ARL15: variants seen among roughly 807,000 people sequenced by gnomAD.
ARL15 encodes ARF like GTPase 15.
ARL15 carries 19 observed loss-of-function variants against 25.2 expected under a neutral mutation model. The ratio of observed to expected loss-of-function variants is 0.75; its 90% CI spans 0.53 to 1.10. The LOEUF is 1.10. Among genes scored for constraint, ARL15 ranks in the 50% least tolerant of loss-of-function variants. The pLI is 0.00. For synonymous variants in ARL15, 94 were observed against 86.8 expected, an observed-to-expected ratio of 1.08 and a Z score of -0.46; for missense variants, 220 against 246.0, an observed-to-expected ratio of 0.89 and a Z score of 0.71.
chr5:54,187,552 T>C (rs1755275977), intron 1 of ARL15, among the ~76,000 whole-genome samples: 1 of 152,058 alleles, frequency 6.6e-6, no homozygotes, highest in African/African-American at 2.4e-5. Flanking sequence ...TGGCTAAGAG[T>C]CAGTCTGAAC....
chr5:54,193,493 C>T (rs1755462647), intron 1 of ARL15, among the ~76,000 whole-genome samples: 1 of 152,136 alleles, frequency 6.6e-6, no homozygotes. Context: ...TCAGCTACAG[C>T]ATTAGATTCT....
intron 1 of ARL15, chr5:54,285,448 C>G (rs1450606187): frequency 2.3e-6 from 1 of 426,528 alleles, no homozygotes; most frequent in East Asian, 1.6e-4. Flanking sequence ...ACTATACAGT[C>G]CAAAAAATGG....
intron 1 of ARL15, among the ~76,000 whole-genome samples, chr5:54,229,791 G>A (rs527562414): frequency 1.3e-5 from 2 of 152,228 alleles, no homozygotes; most frequent in East Asian, 3.9e-4. Context: ...CACCATAGGG[G>A]CTCCCTCTGG....
rs115741146 is a variant in ARL15 at position 54,068,389 on chromosome 5, T to C, written c.462+44813A>G. 5.0e-3 allele frequency among the ~76,000 whole-genome samples: 761 copies of C among 152,334 alleles called. 4 individuals carry two copies. The highest frequency in any genetic ancestry group is 0.016 in the African/African-American group (664 of 41,582). ...CTGCAGAGACCTCAGAAATAGTCTC[T>C]AGAAAGTCAACGTATCCAACATTTA... On this transcript the variant is annotated intron_variant, in intron 4 of 4. Coordinates refer to ENST00000504924, the MANE Select transcript of ARL15 (RefSeq NM_019087.3).
intron 4 of ARL15, among the ~76,000 whole-genome samples, chr5:54,090,340 C>T (rs1329235193): frequency 6.6e-6 from 1 of 151,746 alleles, no homozygotes; most frequent in African/African-American, 2.4e-5. Flanking sequence ...TAGCATGATT[C>T]CCAATTTATA....
intron 1 of ARL15, among the ~76,000 whole-genome samples, chr5:54,193,347 C>T (rs557089378): frequency 2.6e-5 from 4 of 152,262 alleles, no homozygotes; most frequent in African/African-American, 9.6e-5. Flanking sequence ...CTGTAATACT[C>T]TAATCCAGGG....
chr5:53,966,154 G>A (rs1415569293), intron 4 of ARL15, among the ~76,000 whole-genome samples: 1 of 152,068 alleles, frequency 6.6e-6, no homozygotes, highest in Admixed American at 6.6e-5. Context: ...TCCAACCTCA[G>A]GGAAGGGGAA....
At chr5:54,046,493 CAGAG>C (rs370528923) in intron 4 of ARL15, among the ~76,000 whole-genome samples, 1 of 150,300 alleles carries the variant, frequency 6.7e-6, no homozygotes, top group Non-Finnish European at 1.5e-5. Flanking sequence ...AATACATAAG[CAGAG>C]AGAGAGAGAG....
chr5:54,245,673 C>T (rs1450220702), intron 1 of ARL15, among the ~76,000 whole-genome samples: 2 of 152,024 alleles, frequency 1.3e-5, no homozygotes, highest in Non-Finnish European at 2.9e-5. Flanking sequence ...CTGCAACCTC[C>T]GCCTCTTGAG....
At chr5:54,116,175 G>A (rs1218163253) in intron 3 of ARL15, among the ~76,000 whole-genome samples, 1 of 152,136 alleles carries the variant, frequency 6.6e-6, no homozygotes, top group Non-Finnish European at 1.5e-5. Flanking sequence ...GGGGGTTGGG[G>A]CATGATCTCA....
chr5:54,123,071 T>C lies in ARL15; in HGVS notation c.254-9661A>G, dbSNP rs371953569. On this transcript the variant is annotated intron_variant, in intron 3 of 4. Transcript: ENST00000504924. ...CAAGAAGTCTCATTTTTATATAGTC[T>C]AAAAGAACTCTTACTCACACCCTCT... Among the ~76,000 whole-genome samples, 13 of 151,864 alleles carry C rather than the reference T, an allele frequency of 8.6e-5. No individual in the cohort carries two copies. In the East Asian group the frequency reaches 2.3e-3, roughly 27 times the overall value.
chr5:54,176,365 G>A (rs186985539), intron 1 of ARL15, among the ~76,000 whole-genome samples: 10 of 152,284 alleles, frequency 6.6e-5, no homozygotes, highest in Admixed American at 3.3e-4. Context: ...CAATGGGGAA[G>A]GAATGGTCAT....
intron 1 of ARL15, among the ~76,000 whole-genome samples, chr5:54,188,037 A>G (rs1199169514): frequency 1.3e-5 from 2 of 152,184 alleles, no homozygotes. Flanking sequence ...TGTTTGTCTA[A>G]GTAAGGTACA....
At chr5:53,997,016 C>T (rs893865695) in intron 4 of ARL15, among the ~76,000 whole-genome samples, 1 of 152,184 alleles carries the variant, frequency 6.6e-6, no homozygotes, top group African/African-American at 2.4e-5. Flanking sequence ...TCTCCTGTAT[C>T]GTACAGCAAG....
At chr5:54,159,404 G>A (rs951384994) in intron 2 of ARL15, among the ~76,000 whole-genome samples, 1 of 152,126 alleles carries the variant, frequency 6.6e-6, no homozygotes, top group African/African-American at 2.4e-5. Flanking sequence ...TATCCTAGGA[G>A]TCCGAAGCAC....
chr5:54,257,357 T>TC (rs1171966171), intron 1 of ARL15, among the ~76,000 whole-genome samples: 1 of 152,164 alleles, frequency 6.6e-6, no homozygotes, highest in Non-Finnish European at 1.5e-5. Context: ...GATATATATA[T>TC]CTCTGTCCCA....
At chr5:54,289,639 A>C (rs530221552) in intron 1 of ARL15, among the ~76,000 whole-genome samples, 1,487 of 68,526 alleles carry the variant, frequency 0.022, 9 homozygotes, top group Middle Eastern at 0.058. Flanking sequence ...TTTCAGTGTT[A>C]AGACTTTCTG....
intron 3 of ARL15, among the ~76,000 whole-genome samples, chr5:54,138,963 G>C (rs935494444): frequency 6.6e-6 from 1 of 152,064 alleles, no homozygotes; most frequent in Non-Finnish European, 1.5e-5. Flanking sequence ...AAACTCATAA[G>C]ATATCACCTT....
At chr5:54,128,480 T>C (rs1468443850) in intron 3 of ARL15, among the ~76,000 whole-genome samples, 4 of 152,178 alleles carry the variant, frequency 2.6e-5, no homozygotes. Context: ...ATATTATGAT[T>C]CACTTAATCA....
Sources: gnomAD v4.1 joint callset for allele counts (sites outside exome capture counted in the v4.1 genomes callset) on GRCh38, gnomAD v4.1.1 for gene constraint, MANE v1.5 for transcripts, NCBI Gene and HGNC (gene_info 2026-07-23, HGNC 2026-07-21) for gene names.